TBCE: variants seen among roughly 807,000 people sequenced by gnomAD.
The protein encoded by TBCE is tubulin folding cofactor E.
Under a neutral mutation model 77.0 loss-of-function variants are expected in TBCE, and 53 were observed. That is an observed-to-expected ratio of 0.69 (90% CI 0.55 to 0.87). TBCE has a LOEUF of 0.87. Ranked by LOEUF, TBCE falls within the 40% of genes least tolerant of loss-of-function variation. The pLI is 0.00. For missense variants in TBCE, 624 were observed against 622.4 expected (o/e 1.00, Z -0.03); for synonymous variants, 235 against 241.3 (o/e 0.97, Z 0.24).
chr1:235,448,924 T>C lies in TBCE; in HGVS notation c.*162T>C, dbSNP rs1682697747. On this transcript the variant is annotated 3_prime_UTR_variant, in exon 17 of 17. Coordinates refer to ENST00000642610, the MANE Select transcript of TBCE (RefSeq NM_003193.5). ...TTTTTTGTTGGGAAGTGACCATTTC[T>C]AGGCTTATACATAATAGCAATAATA... 2 of 638,854 alleles carry C rather than the reference T, an allele frequency of 3.1e-6. No homozygotes were observed. The highest frequency in any genetic ancestry group is 5.7e-6 in the Non-Finnish European group (2 of 351,564). 39.6% of individuals were successfully genotyped at this position (638,854 alleles called of 1,614,324 possible).
At chr1:235,446,008 A>G (rs1337843841) in intron 15 of TBCE, among the ~76,000 whole-genome samples, 1 of 152,102 alleles carries the variant, frequency 6.6e-6, no homozygotes, top group Non-Finnish European at 1.5e-5. Context: ...AATAAAATAA[A>G]TTGAGTTCTT....
At position 235,377,720 on chromosome 1, in the gene TBCE, C is replaced by T. The variant is rs367720779; in HGVS notation, c.-31-2299C>T. Among the ~76,000 whole-genome samples the T allele has an allele frequency of 4.0e-4, 60 of 149,868 alleles. 1 individual carries two copies. Among genetic ancestry groups the T allele is most frequent in the African/African-American group, 1.4e-3 (58 of 40,682 alleles). On this transcript the variant is annotated intron_variant, in intron 1 of 16. Transcript: ENST00000642610. ...AGGCAGAAGTACAATGGCTCGATCT[C>T]GGCTCATTGCAACCTCTGCCTCCCG...
At chr1:235,437,568 T>G in intron 12 of TBCE, 94 bp downstream of exon 12, 5 of 1,469,990 alleles carry the variant, frequency 3.4e-6, no homozygotes, top group Non-Finnish European at 4.7e-6. Context: ...TCCCAGCACT[T>G]TGGGAGGCTG....
Position 235,414,421 on chromosome 1 carries a change from C to T in TBCE, c.186-12C>T. The T allele has an allele frequency of 6.2e-7, 1 of 1,613,058 alleles. No homozygotes were observed. Among genetic ancestry groups the T allele is most frequent in the Non-Finnish European group, 8.5e-7 (1 of 1,179,898 alleles). On this transcript the variant is annotated splice_polypyrimidine_tract_variant and intron_variant, in intron 3 of 16. Transcript: ENST00000642610. ...TAATATTTTCTGTGTTTCATTTGCT[C>T]TTCTTTACCAGGCACCCGACAGGAG...
chr1:235,391,028 C>T (rs905895536), intron 2 of TBCE, among the ~76,000 whole-genome samples: 10 of 152,040 alleles, frequency 6.6e-5, no homozygotes, highest in African/African-American at 1.4e-4. Context: ...TGGGCTGCAG[C>T]GGTGTTCATT....
intron 12 of TBCE, 70 bp downstream of exon 12, chr1:235,437,544 G>A: frequency 6.4e-7 from 1 of 1,570,530 alleles, no homozygotes; most frequent in Non-Finnish European, 8.6e-7. Context: ...AGGCGCCGTG[G>A]CTCACACCTG....
chr1:235,404,167 C>T (rs1319768077), intron 3 of TBCE, among the ~76,000 whole-genome samples: 1 of 152,018 alleles, frequency 6.6e-6, no homozygotes, highest in African/African-American at 2.4e-5. Flanking sequence ...GTCCCAGCTA[C>T]TCAGGAGGCT....
At chr1:235,448,189 G>GACTT (rs989400559) in intron 15 of TBCE, among the ~76,000 whole-genome samples, 160 bp from the exon 16 acceptor site, 18 of 119,540 alleles carry the variant, frequency 1.5e-4, no homozygotes, top group African/African-American at 2.4e-4. Context: ...GACAGAGCAA[G>GACTT]ACTTACTTAA....
At chr1:235,416,590 AT>A (rs1680129567) in intron 4 of TBCE, among the ~76,000 whole-genome samples, 1 of 152,098 alleles carries the variant, frequency 6.6e-6, no homozygotes, top group African/African-American at 2.4e-5. Flanking sequence ...CAAAGGAAGC[AT>A]TTTTTTAATT....
chr1:235,368,385 A>G (rs1292456828), intron 1 of TBCE, among the ~76,000 whole-genome samples: 1 of 151,794 alleles, frequency 6.6e-6, no homozygotes, highest in Non-Finnish European at 1.5e-5. Flanking sequence ...AAGAGAGAAG[A>G]CTTTTCTTTT....
chr1:235,397,200 C>CTTTT (rs34523932), intron 2 of TBCE, among the ~76,000 whole-genome samples: 1 of 100,798 alleles, frequency 9.9e-6, no homozygotes. Context: ...GTCTCAATCT[C>CTTTT]TTTTTTTTTT....
chr1:235,443,123 C>T (rs1186883872), intron 15 of TBCE: 10 of 585,604 alleles, frequency 1.7e-5, no homozygotes, highest in Non-Finnish European at 3.0e-5. Flanking sequence ...ACTTTATCAG[C>T]TGAAAGCAGT....
intron 7 of TBCE, chr1:235,433,299 C>T (rs1681211929): frequency 3.3e-6 from 2 of 609,642 alleles, no homozygotes; most frequent in South Asian, 1.4e-4. Context: ...TGGCTCACTG[C>T]AACCTCTGCC....
At position 235,427,126 on chromosome 1, in the gene TBCE, A is replaced by G. The variant is rs1372127185; in HGVS notation, c.461-14A>G. ...AATCTTTTGAAATTACTGTTTCTTA[A>G]CATGTGCTTTTAGATATCAGAAAGG... On this transcript the variant is annotated splice_polypyrimidine_tract_variant and intron_variant, in intron 5 of 16. Transcript: ENST00000642610. 8 of 1,554,340 alleles carry G rather than the reference A, an allele frequency of 5.1e-6. No homozygotes were observed. The highest frequency in any genetic ancestry group is 1.1e-5 in the South Asian group (1 of 89,864).
chr1:235,389,525 G>T (rs1678250580), intron 2 of TBCE, among the ~76,000 whole-genome samples: 1 of 152,052 alleles, frequency 6.6e-6, no homozygotes, highest in African/African-American at 2.4e-5. Flanking sequence ...TAGAAACGGG[G>T]TTTCACCATG....
In TBCE at chr1:235,436,406, C is replaced by T. The variant is rs1323987506; in HGVS notation, c.854C>T (p.Ser285Phe). Reference sequence around the variant, plus strand: ...TTCAGGTTAGAACAATTAATCCTCTCTGACACTGGAATTTCTTCTCTACAT... The same window carrying T: ...TTCAGGTTAGAACAATTAATCCTCTTTGACACTGGAATTTCTTCTCTACAT... ...HLPRLEQLIL[S>F]DTGISSLHFP... The change falls in exon 10 of 17, where the codon TCT becomes TTT. Residue 285 changes from serine to phenylalanine, a missense_variant. Coordinates refer to ENST00000642610, the MANE Select transcript of TBCE (RefSeq NM_003193.5). 3.1e-6 allele frequency: 5 copies of T among 1,613,920 alleles called. No individual in the cohort carries two copies. The East Asian group carries it at 6.7e-5, about 22-fold the overall frequency.
At position 235,450,275 on chromosome 1, in the gene TBCE, C is replaced by A. The variant is rs754116208; in HGVS notation, c.*1513C>A. On this transcript the variant is annotated 3_prime_UTR_variant, in exon 17 of 17. Coordinates refer to ENST00000642610, the MANE Select transcript of TBCE (RefSeq NM_003193.5). ...GTTTCCACAGTTCCGTCAGTTCCCACGGAGAATACTGAGGAGAAGACAGCA... is the reference window on the plus strand; with the variant it reads ...GTTTCCACAGTTCCGTCAGTTCCCAAGGAGAATACTGAGGAGAAGACAGCA... 1.9e-6 allele frequency: 3 copies of A among 1,613,860 alleles called. No individual in the cohort carries two copies. Among genetic ancestry groups the A allele is most frequent in the Non-Finnish European group, 2.5e-6 (3 of 1,179,878 alleles).
At chr1:235,387,570 A>T (rs963948927) in intron 2 of TBCE, among the ~76,000 whole-genome samples, 1 of 152,178 alleles carries the variant, frequency 6.6e-6, no homozygotes, top group Non-Finnish European at 1.5e-5. Flanking sequence ...GCTAGCAATC[A>T]GTGAGACTCC....
At position 235,380,161 on chromosome 1, in the gene TBCE, T is replaced by TTGTGTG. The variant is rs10524346; in HGVS notation, c.100+60_100+65dup. On this transcript the variant is annotated intron_variant, in intron 2 of 16. Transcript: ENST00000642610. ...CCCTCCCGTGGCAGGTAAGCAATTA[T>TTGTGTG]TGTGTGTGTGTGTGTGTGTGTGTGT... 7.6e-5 allele frequency: 86 copies of TTGTGTG among 1,138,738 alleles called. No homozygotes were observed. Among genetic ancestry groups the TTGTGTG allele is most frequent in the East Asian group, 1.8e-4 (7 of 38,790 alleles). 70.5% of individuals were successfully genotyped at this position (1,138,738 alleles called of 1,614,324 possible). A position where few individuals can be genotyped will look rare whatever the true frequency, so the allele number is the denominator to read the frequency against.
Sources: allele counts gnomAD v4.1 joint callset (sites outside exome capture counted in the v4.1 genomes callset), GRCh38; gene constraint gnomAD v4.1.1; transcripts MANE v1.5; gene names NCBI Gene and HGNC (gene_info 2026-07-23, HGNC 2026-07-21).